The following EHMT1 variants were observed in gnomAD, a reference collection of about 807,000 sequenced individuals.
EHMT1 encodes the protein euchromatic histone lysine methyltransferase 1.
EHMT1 carries 15 observed loss-of-function variants against 147.2 expected under a neutral mutation model. The observed-to-expected ratio is 0.10, with a 90% CI of 0.07 to 0.16. The LOEUF is 0.16. Among genes scored for constraint, EHMT1 ranks in the 10% least tolerant of loss-of-function variants. EHMT1 has a pLI of 1.00. For missense variants in EHMT1, 1,587 were observed against 1,772.4 expected (o/e 0.90, Z 1.88); for synonymous variants, 795 against 709.6 (o/e 1.12, Z -1.91).
rs545279704 is a variant in EHMT1 at position 137,698,070 on chromosome 9, C to T, written c.22-12897C>T. Reference sequence around the variant, plus strand: ...GGCAGCGTGTGAGGGCGGCGTGGCTCGCGGAGGCCTCACTCCCTGGCTTTC... The same window carrying T: ...GGCAGCGTGTGAGGGCGGCGTGGCTTGCGGAGGCCTCACTCCCTGGCTTTC... On this transcript the variant is annotated intron_variant, in intron 1 of 26. Coordinates refer to ENST00000460843, the MANE Select transcript of EHMT1 (RefSeq NM_024757.5). Among the ~76,000 whole-genome samples, 5 of 152,206 alleles carry T rather than the reference C, an allele frequency of 3.3e-5. No homozygotes were observed. In the South Asian group the frequency reaches 8.3e-4, roughly 25 times the overall value.
At chr9:137,831,989 C>T (rs1316295567) in intron 25 of EHMT1, among the ~76,000 whole-genome samples, 5 of 151,456 alleles carry the variant, frequency 3.3e-5, no homozygotes, top group African/African-American at 1.2e-4. Context: ...GGCTGGGCTC[C>T]CTCCACAGGC....
At chr9:137,742,811 G>C (rs1948217136) in intron 4 of EHMT1, 1 of 177,064 alleles carries the variant, frequency 5.6e-6, no homozygotes, top group Admixed American at 5.5e-5. Flanking sequence ...AGAGGGCCTA[G>C]GAGGATGGTG....
chr9:137,725,236 G>A (rs553024924), intron 3 of EHMT1, among the ~76,000 whole-genome samples: 4 of 150,712 alleles, frequency 2.7e-5, no homozygotes, highest in East Asian at 2.0e-4. Flanking sequence ...CATTCGTGGG[G>A]CAGATGTGGG....
intron 1 of EHMT1, among the ~76,000 whole-genome samples, chr9:137,669,696 T>TA (rs1371641263): frequency 1.3e-5 from 2 of 151,704 alleles, no homozygotes; most frequent in African/African-American, 2.4e-5. Context: ...TGTCCCTATG[T>TA]AAAAAAAAGC....
chr9:137,709,701 ATC>A lies in EHMT1; in HGVS notation c.22-1265_22-1264del, dbSNP rs541706452. Among the ~76,000 whole-genome samples the A allele has an allele frequency of 4.9e-4, 75 of 152,172 alleles. 1 individual carries two copies. The highest frequency in any genetic ancestry group is 1.8e-3 in the African/African-American group (74 of 41,500). ...CTGTTGATAGTCAATTAAAGATGGA[ATC>A]AGTGCGTGGCTGGCCTCCTGCAGCT... On this transcript the variant is annotated intron_variant, in intron 1 of 26. Coordinates refer to ENST00000460843, the MANE Select transcript of EHMT1 (RefSeq NM_024757.5).
intron 1 of EHMT1, among the ~76,000 whole-genome samples, chr9:137,634,942 G>A (rs1178090275): frequency 2.8e-5 from 4 of 140,454 alleles, no homozygotes; most frequent in Non-Finnish European, 4.5e-5. Context: ...GGATGGTCTC[G>A]ATCTCCTGAC....
intron 22 of EHMT1, chr9:137,815,505 G>T (rs760645017): frequency 4.5e-5 from 13 of 286,106 alleles, no homozygotes; most frequent in South Asian, 2.5e-4. Context: ...CTGGCTTCAG[G>T]GGGGTAGAAA....
At chr9:137,629,673 A>G (rs1001781129) in intron 1 of EHMT1, among the ~76,000 whole-genome samples, 2 of 152,092 alleles carry the variant, frequency 1.3e-5, no homozygotes, top group African/African-American at 2.4e-5. Context: ...GGTTACAGGC[A>G]TGAGCCATCG....
intron 25 of EHMT1, among the ~76,000 whole-genome samples, chr9:137,826,600 A>G (rs1955826807): frequency 6.6e-6 from 1 of 152,226 alleles, no homozygotes; most frequent in African/African-American, 2.4e-5. Context: ...GGTTCTCAGG[A>G]GGACCCCACC....
Position 137,757,896 on chromosome 9 carries a change from G to A in EHMT1, c.1386G>A (p.Lys462=), listed in dbSNP as rs1211083465. 1.9e-6 allele frequency: 3 copies of A among 1,613,920 alleles called. No homozygotes were observed. The highest frequency in any genetic ancestry group is 2.5e-6 in the Non-Finnish European group (3 of 1,180,030). The change falls in exon 9 of 27, where the codon AAG becomes AAA. Residue 462 remains lysine, a synonymous_variant. Coordinates refer to ENST00000460843, the MANE Select transcript of EHMT1 (RefSeq NM_024757.5). ...CATACCTAGGTTCTGAGTCGTATAAGTCATCTGCAGGAAGCGCTGAGCAGA... is the reference window on the plus strand; with the variant it reads ...CATACCTAGGTTCTGAGTCGTATAAATCATCTGCAGGAAGCGCTGAGCAGA... The part of the protein sequence containing the change: ...PSGALGSESY[K]SSAGSAEQTA...
intron 1 of EHMT1, among the ~76,000 whole-genome samples, chr9:137,642,781 GAA>G (rs1462723029): frequency 1.4e-4 from 21 of 152,250 alleles, no homozygotes; most frequent in Admixed American, 1.1e-3. Context: ...TCATATAGGA[GAA>G]AAAACAAATT....
At chr9:137,793,338 A>G (rs936656330) in intron 16 of EHMT1, among the ~76,000 whole-genome samples, 1 of 152,370 alleles carries the variant, frequency 6.6e-6, no homozygotes, top group Non-Finnish European at 1.5e-5. Context: ...TCCCACATGA[A>G]AAGGTGTCCA....
chr9:137,695,358 G>A (rs1409490207), intron 1 of EHMT1, among the ~76,000 whole-genome samples: 1 of 152,198 alleles, frequency 6.6e-6, no homozygotes, highest in Admixed American at 6.5e-5. Context: ...TGGGAGCATG[G>A]ACGGAGCCCT....
intron 19 of EHMT1, among the ~76,000 whole-genome samples, chr9:137,812,131 G>A (rs1954540311): frequency 6.6e-6 from 1 of 152,242 alleles, no homozygotes; most frequent in Non-Finnish European, 1.5e-5. Flanking sequence ...CTGAGGTCAG[G>A]AGTTTGAGAC....
At chr9:137,677,735 A>G (rs555377125) in intron 1 of EHMT1, among the ~76,000 whole-genome samples, 42 of 152,228 alleles carry the variant, frequency 2.8e-4, no homozygotes, top group Middle Eastern at 6.8e-3. Flanking sequence ...CTGTTACTAT[A>G]TAACACAACA....
At chr9:137,698,245 G>A (rs566525400) in intron 1 of EHMT1, among the ~76,000 whole-genome samples, 3 of 152,378 alleles carry the variant, frequency 2.0e-5, no homozygotes, top group South Asian at 2.1e-4. Context: ...AGGGATTGCC[G>A]TGGAAACTCC....
Position 137,813,413 on chromosome 9 carries a change from C to G in EHMT1, c.3063C>G (p.Ile1021Met). 5 of 1,613,310 alleles carry G rather than the reference C, an allele frequency of 3.1e-6. No homozygotes were observed. Among genetic ancestry groups the G allele is most frequent in the Non-Finnish European group, 4.2e-6 (5 of 1,179,812 alleles). The stretch of plus-strand genomic sequence containing the variant: ...ACATCGCTCGAGGCTACGAGCGCAT[C>G]CCCATCCCCTGTGTCAACGCCGTGG... ...SRDIARGYER[I>M]PIPCVNAVDS... Residue 1021 changes from isoleucine (I) to methionine (M), a missense_variant, in exon 21 of 27, where the codon ATC becomes ATG. Ile to Met is a conservative substitution (Grantham distance 10). Coordinates refer to ENST00000460843, the MANE Select transcript of EHMT1 (RefSeq NM_024757.5). This position sits in a 1 kb window ranked among gnomAD's most constrained non-coding sequence, Gnocchi z 4.9.
chr9:137,809,349 C>T (rs1954216347), intron 18 of EHMT1, among the ~76,000 whole-genome samples: 1 of 152,222 alleles, frequency 6.6e-6, no homozygotes, highest in South Asian at 2.1e-4. Context: ...GAAGAGCCCG[C>T]GTCCTTCTCT....
chr9:137,816,151 C>A, intron 23 of EHMT1, 89 bp downstream of exon 23: 2 of 1,232,880 alleles, frequency 1.6e-6, no homozygotes, highest in Non-Finnish European at 2.3e-6. Flanking sequence ...AAGAACTTAA[C>A]GTGTTTGGAT....
Sources: gnomAD v4.1 joint callset for allele counts (sites outside exome capture counted in the v4.1 genomes callset) on GRCh38, gnomAD v4.1.1 for gene constraint, Gnocchi (gnomAD v3.1) non-coding constraint, MANE v1.5 for transcripts, NCBI Gene and HGNC (gene_info 2026-07-23, HGNC 2026-07-21) for gene names.